Variants in ZNF593 observed in about 807,000 individuals in gnomAD.
ZNF593 encodes the protein BUD20 homolog.
In ZNF593, 18 loss-of-function variants were observed where a neutral mutation model predicts 12.9. The observed-to-expected ratio is 1.40, with a 90% CI of 0.96 to 2.07. ZNF593 has a LOEUF of 2.07. Ranked by LOEUF, ZNF593 falls within the 30% of genes most tolerant of loss-of-function variation. ZNF593 has a pLI of 0.00. For missense variants in ZNF593, 198 were observed against 186.7 expected (o/e 1.06, Z -0.35); for synonymous variants, 79 against 79.9 (o/e 0.99, Z 0.06).
rs770629776 is a variant in ZNF593 at position 26,170,617 on chromosome 1, G to A, written c.306G>A (p.Ala102=). The stretch of plus-strand genomic sequence containing the variant: ...TCGAGCCCTACAGTCAGGAAGAGGC[G>A]GAGAGGGCAGCGGGTATGGGATCCT... The part of the protein sequence containing the change: ...LSVEPYSQEE[A]ERAAGMGSYV... The change falls in exon 3 of 3, where the codon GCG becomes GCA. Residue 102 remains alanine, a synonymous_variant. Transcript: ENST00000374266. 7 of 1,613,484 alleles carry A rather than the reference G, an allele frequency of 4.3e-6. No individual in the cohort carries two copies. Among genetic ancestry groups the A allele is most frequent in the Admixed American group, 1.7e-5 (1 of 60,002 alleles).
At position 26,170,871 on chromosome 1, in the gene ZNF593, G is replaced by T. The variant is rs898562640; in HGVS notation, c.*155G>T. 5 of 966,852 alleles carry T rather than the reference G, an allele frequency of 5.2e-6. No individual in the cohort carries two copies. In the African/African-American group the frequency reaches 6.6e-5, roughly 13 times the overall value. The allele number at this position is 966,852 out of a possible 1,614,324, so 59.9% of individuals were successfully genotyped here. On this transcript the variant is annotated 3_prime_UTR_variant, in exon 3 of 3. Transcript: ENST00000374266. The stretch of plus-strand genomic sequence containing the variant: ...CCCAAATAAAGGAACTGGACAAAGA[G>T]AACTTGCCTCCAACTCTAACTTCCA...
In ZNF593 at chr1:26,170,119, G is replaced by A. The variant is rs774499215; in HGVS notation, c.136G>A (p.Asp46Asn). The part of the protein sequence containing the change: ...RPQGSARPQP[D>N]PNAEFDPDLP... ...TCAGGGATCCGCACGACCCCAGCCCGACCCAAACGCCGAGTTCGACCCCGA... is the reference window on the plus strand; with the variant it reads ...TCAGGGATCCGCACGACCCCAGCCCAACCCAAACGCCGAGTTCGACCCCGA... The change falls in exon 1 of 3, where the codon GAC becomes AAC. Residue 46 changes from aspartate to asparagine, a missense_variant. Transcript: ENST00000374266. 30 of 1,571,116 alleles carry A rather than the reference G, an allele frequency of 1.9e-5. No individual in the cohort carries two copies. In the East Asian group the frequency reaches 7.1e-4, roughly 37 times the overall value.
At position 26,170,093 on chromosome 1, in the gene ZNF593, C is replaced by G. The variant is rs1043344394; in HGVS notation, c.110C>G (p.Pro37Arg). ...GATGAGATTCACCGCGAGCTGCGGCCTCAGGGATCCGCACGACCCCAGCCC... is the reference window on the plus strand; with the variant it reads ...GATGAGATTCACCGCGAGCTGCGGCGTCAGGGATCCGCACGACCCCAGCCC... ...DLDEIHRELR[P>R]QGSARPQPDP... Residue 37 changes from proline (P) to arginine (R), a missense_variant, in exon 1 of 3, where the codon CCT becomes CGT. Pro to Arg is a moderately radical substitution (Grantham distance 103). Transcript: ENST00000374266. The G allele has an allele frequency of 6.4e-7, 1 of 1,571,482 alleles. No individual in the cohort carries two copies. The highest frequency in any genetic ancestry group is 8.6e-7 in the Non-Finnish European group (1 of 1,161,034).
rs764571272 is a variant in ZNF593, at chr1:26,170,533, C to T, written c.264-42C>T. Reference sequence around the variant, plus strand: ...GGATGGGTGCTCAGCAGATAGGGCTCTCACCTGGTCAGCTCCCAACTCCTG... The same window carrying T: ...GGATGGGTGCTCAGCAGATAGGGCTTTCACCTGGTCAGCTCCCAACTCCTG... On this transcript the variant is annotated intron_variant, in intron 2 of 2. Transcript: ENST00000374266. 3.7e-6 allele frequency: 6 copies of T among 1,614,116 alleles called. No individual in the cohort carries two copies. The South Asian group carries it at 5.5e-5, about 15-fold the overall frequency.
Position 26,169,973 on chromosome 1 carries a change from T to C in ZNF593, c.-11T>C. The C allele has an allele frequency of 6.5e-7, 1 of 1,535,348 alleles. No homozygotes were observed. Among genetic ancestry groups the C allele is most frequent in the Non-Finnish European group, 8.7e-7 (1 of 1,144,360 alleles). ...CTCCTGGCCCCTTGGCCGGCCGGGC[T>C]GTTTCTGGCCATGGGTCGCTCCCGC... On this transcript the variant is annotated 5_prime_UTR_variant, in exon 1 of 3. Coordinates refer to ENST00000374266, the MANE Select transcript of ZNF593 (RefSeq NM_015871.5).
chr1:26,170,577 T>C lies in ZNF593; in HGVS notation c.266T>C (p.Leu89Pro). 6.2e-7 allele frequency: 1 copy of C among 1,613,920 alleles called. No individual in the cohort carries two copies. The highest frequency in any genetic ancestry group is 8.5e-7 in the Non-Finnish European group (1 of 1,180,032). ...HFRSKDHKKR[L>P]KQLSVEPYSQ... ...ACTCCTGTTTTTCTTTCTCCCAGGC[T>C]GAAGCAGCTGAGCGTCGAGCCCTAC... Residue 89 changes from leucine (L) to proline (P), a missense_variant and splice_region_variant, in exon 3 of 3, where the codon CTG becomes CCG. Leu to Pro is a moderately conservative substitution (Grantham distance 98). Transcript: ENST00000374266.
rs897336419 is a variant in ZNF593, at chr1:26,170,840, C to T, written c.*124C>T. On this transcript the variant is annotated 3_prime_UTR_variant, in exon 3 of 3. Coordinates refer to ENST00000374266, the MANE Select transcript of ZNF593 (RefSeq NM_015871.5). ...GGGAGCGGAGGGCCTCTTCTTGGTG[C>T]CCTGCCCCAAATAAAGGAACTGGAC... The T allele has an allele frequency of 1.6e-6, 2 of 1,267,348 alleles. No homozygotes were observed. The highest frequency in any genetic ancestry group is 3.0e-5 in the African/African-American group (2 of 66,772). 78.5% of individuals were successfully genotyped at this position (1,267,348 alleles called of 1,614,324 possible). A position where few individuals can be genotyped will look rare whatever the true frequency, so the allele number is the denominator to read the frequency against.
Position 26,170,779 on chromosome 1 carries a change from G to A in ZNF593, c.*63G>A. The A allele has an allele frequency of 2.6e-6, 4 of 1,555,058 alleles. No homozygotes were observed. Among genetic ancestry groups the A allele is most frequent in the South Asian group, 1.2e-5 (1 of 84,268 alleles). On this transcript the variant is annotated 3_prime_UTR_variant, in exon 3 of 3. Transcript: ENST00000374266. The stretch of plus-strand genomic sequence containing the variant: ...GACAGTGACGCAAGGACTAGGCTGG[G>A]AGGGAGCGTGCCAACCCCTTTTGCC...
In ZNF593 at chr1:26,170,850, A is replaced by T; in HGVS notation, c.*134A>T. On this transcript the variant is annotated 3_prime_UTR_variant, in exon 3 of 3. Coordinates refer to ENST00000374266, the MANE Select transcript of ZNF593 (RefSeq NM_015871.5). The stretch of plus-strand genomic sequence containing the variant: ...GGCCTCTTCTTGGTGCCCTGCCCCA[A>T]ATAAAGGAACTGGACAAAGAGAACT... The T allele has an allele frequency of 9.0e-7, 1 of 1,109,412 alleles. No homozygotes were observed. The highest frequency in any genetic ancestry group is 1.3e-6 in the Non-Finnish European group (1 of 797,572). The allele number at this position is 1,109,412 out of a possible 1,614,324, so 68.7% of individuals were successfully genotyped here.
At chr1:26,170,213 G>C in intron 1 of ZNF593, 30 bp downstream of exon 1, 1 of 1,578,950 alleles carries the variant, frequency 6.3e-7, no homozygotes, top group African/African-American at 1.3e-5. Flanking sequence ...GGCCTGGGGC[G>C]GAGGAGGGTC....
At position 26,170,025 on chromosome 1, in the gene ZNF593, T is replaced by C; in HGVS notation, c.42T>C (p.Ser14=). The C allele has an allele frequency of 6.4e-6, 10 of 1,568,600 alleles. No individual in the cohort carries two copies. Among genetic ancestry groups the C allele is most frequent in the Non-Finnish European group, 8.6e-6 (10 of 1,160,808 alleles). ...SRRTGAHRAH[S]LARQMKAKRR... is the part of the protein sequence containing the mutation. ...GGACAGGCGCGCACCGAGCGCACTC[T>C]CTAGCCCGGCAGATGAAGGCGAAGC... The change falls in exon 1 of 3, where the codon TCT becomes TCC. Residue 14 remains serine, a synonymous_variant. Coordinates refer to ENST00000374266, the MANE Select transcript of ZNF593 (RefSeq NM_015871.5).
intron 1 of ZNF593, 22 bp from the exon 2 acceptor site, chr1:26,170,396 C>A: frequency 6.2e-7 from 1 of 1,610,160 alleles, no homozygotes; most frequent in Non-Finnish European, 8.5e-7. Context: ...CCTCACTCTC[C>A]TTCTCACTTC....
In ZNF593 at chr1:26,169,944, C is replaced by T. The variant is rs562127693; in HGVS notation, c.-40C>T. 37 of 1,511,138 alleles carry T rather than the reference C, an allele frequency of 2.4e-5. No homozygotes were observed. Among genetic ancestry groups the T allele is most frequent in the East Asian group, 2.0e-4 (8 of 40,624 alleles). 93.6% of individuals were successfully genotyped at this position (1,511,138 alleles called of 1,614,324 possible). On this transcript the variant is annotated 5_prime_UTR_variant, in exon 1 of 3. Coordinates refer to ENST00000374266, the MANE Select transcript of ZNF593 (RefSeq NM_015871.5). ...AAGTGCTCACACGTGTGCTCCCTGC[C>T]CTGCTCCTGGCCCCTTGGCCGGCCG...
chr1:26,170,267 G>T, intron 1 of ZNF593, 84 bp downstream of exon 1: 1 of 1,557,906 alleles, frequency 6.4e-7, no homozygotes, highest in South Asian at 1.2e-5. Flanking sequence ...CCCAGGCAGC[G>T]CAGAGTCTTC....
chr1:26,170,421 G>GTACTTCATCGATTCCACCAA lies in ZNF593; in HGVS notation c.205_224dup (p.Leu76ThrfsTer8). 6.2e-7 allele frequency: 1 copy of GTACTTCATCGATTCCACCAA among 1,613,920 alleles called. No individual in the cohort carries two copies. Among genetic ancestry groups the GTACTTCATCGATTCCACCAA allele is most frequent in the Non-Finnish European group, 8.5e-7 (1 of 1,179,856 alleles). On this transcript the variant is annotated frameshift_variant, in exon 2 of 3. Coordinates refer to ENST00000374266, the MANE Select transcript of ZNF593 (RefSeq NM_015871.5). LOFTEE classifies it high-confidence loss of function. ...CTTCTCACTTCCATTCCTACAGGAG[G>GTACTTCATCGATTCCACCAA]TACTTCATCGATTCCACCAACCTGA...
intron 2 of ZNF593, 45 bp downstream of exon 2, chr1:26,170,525 A>C: frequency 1.2e-6 from 2 of 1,614,170 alleles, no homozygotes; most frequent in East Asian, 4.5e-5. Flanking sequence ...TGCTCAGCAG[A>C]TAGGGCTCTC....
chr1:26,170,173 C>G lies in ZNF593; in HGVS notation c.190C>G (p.Leu64Val). The change falls in exon 1 of 3, where the codon CTG becomes GTG. Residue 64 changes from leucine to valine, a missense_variant. Coordinates refer to ENST00000374266, the MANE Select transcript of ZNF593 (RefSeq NM_015871.5). ...DLPGGGLHRCLACARYFIDST... is the reference protein window; with the variant it reads ...DLPGGGLHRCVACARYFIDST... ...GCCAGGGGGCGGTCTGCACCGCTGT[C>G]TGGCCTGCGCGTGAGTCCCGGACGA... 2 of 1,571,638 alleles carry G rather than the reference C, an allele frequency of 1.3e-6. No homozygotes were observed. The highest frequency in any genetic ancestry group is 2.3e-5 in the South Asian group (2 of 87,372).
rs757092395 is a variant in ZNF593, at chr1:26,170,728, G to A, written c.*12G>A. On this transcript the variant is annotated 3_prime_UTR_variant, in exon 3 of 3. Transcript: ENST00000374266. The stretch of plus-strand genomic sequence containing the variant: ...ATACCTCTACCTGACATGGCCTGAA[G>A]ATGCAGGGCAGAGGAATTGCCCATG... 3.2e-5 allele frequency: 52 copies of A among 1,600,180 alleles called. No homozygotes were observed. The highest frequency in any genetic ancestry group is 4.3e-5 in the Non-Finnish European group (51 of 1,178,580).
chr1:26,170,249 G>C (rs1406775160), intron 1 of ZNF593, 66 bp downstream of exon 1: 5 of 1,577,434 alleles, frequency 3.2e-6, no homozygotes, highest in Non-Finnish European at 4.3e-6. Flanking sequence ...GAGATGTGAA[G>C]TTGAAGCCCC....
Sources: allele counts gnomAD v4.1 joint callset, GRCh38; gene constraint gnomAD v4.1.1; transcripts MANE v1.5; gene names NCBI Gene and HGNC (gene_info 2026-07-23, HGNC 2026-07-21).